Variants in ZMAT4 observed in about 807,000 individuals in gnomAD.
ZMAT4 encodes zinc finger matrin-type 4.
ZMAT4 carries 17 observed loss-of-function variants against 28.7 expected under a neutral mutation model. That is an observed-to-expected ratio of 0.59 (90% CI 0.41 to 0.89). The LOEUF is 0.89. Among genes scored for constraint, ZMAT4 ranks in the 40% least tolerant of loss-of-function variants. The pLI is 0.00. For synonymous variants in ZMAT4, 117 were observed against 109.2 expected, an observed-to-expected ratio of 1.07 and a Z score of -0.44; for missense variants, 240 against 283.8, an observed-to-expected ratio of 0.85 and a Z score of 1.11.
chr8:40,849,745 T>A (rs904796131), intron 1 of ZMAT4, among the ~76,000 whole-genome samples: 1 of 152,178 alleles, frequency 6.6e-6, no homozygotes, highest in African/African-American at 2.4e-5. Context: ...TTCATGAGGA[T>A]CTCCTTCCGT....
intron 5 of ZMAT4, among the ~76,000 whole-genome samples, chr8:40,652,514 A>G (rs1322394092): frequency 2.3e-5 from 1 of 42,758 alleles, no homozygotes; most frequent in African/African-American, 6.0e-5. Context: ...CCACTGTGGA[A>G]GTCAGTGTGG....
intron 2 of ZMAT4, among the ~76,000 whole-genome samples, chr8:40,790,184 G>C (rs1814264389): frequency 6.6e-6 from 1 of 152,102 alleles, no homozygotes; most frequent in Non-Finnish European, 1.5e-5. Context: ...CATTTGGATG[G>C]TCTTCATTTA....
intron 3 of ZMAT4, among the ~76,000 whole-genome samples, chr8:40,739,313 G>A (rs1452289323): frequency 1.3e-5 from 2 of 152,166 alleles, no homozygotes; most frequent in Non-Finnish European, 2.9e-5. Context: ...CTTTAACGCT[G>A]TTTCCAGCTC....
chr8:40,599,336 C>T (rs950403290), intron 5 of ZMAT4, among the ~76,000 whole-genome samples: 5 of 152,150 alleles, frequency 3.3e-5, no homozygotes, highest in Admixed American at 6.5e-5. Flanking sequence ...TTGTCAAATA[C>T]ATCACACATA....
intron 4 of ZMAT4, among the ~76,000 whole-genome samples, chr8:40,681,489 A>C (rs1167204057): frequency 4.6e-5 from 7 of 152,192 alleles, no homozygotes; most frequent in Admixed American, 3.3e-4. Flanking sequence ...TCATTCAGTG[A>C]GTGGCTTAAG....
intron 2 of ZMAT4, among the ~76,000 whole-genome samples, chr8:40,820,269 T>C (rs527522187): frequency 6.6e-6 from 1 of 151,624 alleles, no homozygotes; most frequent in Admixed American, 6.6e-5. Context: ...TTGGTGTGTG[T>C]CTGTAGATGT....
At chr8:40,880,656 A>C (rs1818189503) in intron 1 of ZMAT4, among the ~76,000 whole-genome samples, 1 of 152,158 alleles carries the variant, frequency 6.6e-6, no homozygotes, top group African/African-American at 2.4e-5. Flanking sequence ...GGAAGAAACG[A>C]GGTACAACCA....
chr8:40,548,064 T>C (rs956819464), intron 6 of ZMAT4, among the ~76,000 whole-genome samples: 3 of 151,746 alleles, frequency 2.0e-5, no homozygotes, highest in African/African-American at 4.8e-5. Context: ...TCCACGGAGG[T>C]CTTCAAGGGG....
intron 3 of ZMAT4, among the ~76,000 whole-genome samples, chr8:40,764,165 G>A (rs947414115): frequency 7.2e-5 from 11 of 152,120 alleles, no homozygotes; most frequent in African/African-American, 2.4e-4. Flanking sequence ...TCTAACGCTG[G>A]AGGGATTACT....
At chr8:40,877,685 C>CGT (rs137928950) in intron 1 of ZMAT4, among the ~76,000 whole-genome samples, 1 of 151,414 alleles carries the variant, frequency 6.6e-6, no homozygotes, top group Non-Finnish European at 1.5e-5. Context: ...TAAACATATG[C>CGT]GTGTGTGTGT....
At chr8:40,809,261 A>G (rs1815220273) in intron 2 of ZMAT4, among the ~76,000 whole-genome samples, 2 of 151,532 alleles carry the variant, frequency 1.3e-5, no homozygotes, top group Admixed American at 6.6e-5. Flanking sequence ...CTGAGTACAC[A>G]TGGACATAAA....
chr8:40,654,417 A>T (rs4737162), intron 5 of ZMAT4, among the ~76,000 whole-genome samples: 9,220 of 152,202 alleles, frequency 0.061, 703 homozygotes, highest in East Asian at 0.44. Context: ...GCTGCTGGTC[A>T]TATCTTTTTC....
intron 1 of ZMAT4, among the ~76,000 whole-genome samples, chr8:40,830,978 G>T (rs1404003576): frequency 6.6e-6 from 1 of 151,820 alleles, no homozygotes; most frequent in Non-Finnish European, 1.5e-5. Flanking sequence ...GCAGAGACAC[G>T]CAAAAAGGGG....
At chr8:40,678,421 T>C (rs544349242) in intron 4 of ZMAT4, among the ~76,000 whole-genome samples, 3 of 152,334 alleles carry the variant, frequency 2.0e-5, no homozygotes, top group African/African-American at 7.2e-5. Context: ...TAAGCTATTA[T>C]CCCACCAGCC....
intron 2 of ZMAT4, among the ~76,000 whole-genome samples, chr8:40,775,571 G>A (rs966240995): frequency 6.6e-4 from 101 of 152,218 alleles, no homozygotes; most frequent in African/African-American, 2.4e-3. Context: ...GAGGCAGTGT[G>A]TTGAGGAAGA....
intron 2 of ZMAT4, among the ~76,000 whole-genome samples, chr8:40,790,986 T>C (rs1389081924): frequency 6.6e-6 from 1 of 152,246 alleles, no homozygotes; most frequent in Non-Finnish European, 1.5e-5. Context: ...TTCACATTTA[T>C]ATGGTCAATT....
chr8:40,681,580 C>T (rs1451004574), intron 4 of ZMAT4, among the ~76,000 whole-genome samples: 1 of 152,130 alleles, frequency 6.6e-6, no homozygotes, highest in African/African-American at 2.4e-5. Flanking sequence ...ACCTCCGTGC[C>T]CACCACAAAG....
At chr8:40,601,464 GAAA>G (rs1805314517) in intron 5 of ZMAT4, among the ~76,000 whole-genome samples, 35 of 15,600 alleles carry the variant, frequency 2.2e-3, no homozygotes, top group East Asian at 0.019. Flanking sequence ...AAGGGAGGAA[GAAA>G]GGAAAGAAAG....
intron 2 of ZMAT4, among the ~76,000 whole-genome samples, chr8:40,793,387 GA>G (rs1215643067): frequency 6.6e-6 from 1 of 152,212 alleles, no homozygotes; most frequent in Non-Finnish European, 1.5e-5. Context: ...CCTGGAGGGG[GA>G]ATGCCATCTT....
Sources: gnomAD v4.1 joint callset for allele counts (sites outside exome capture counted in the v4.1 genomes callset) on GRCh38, gnomAD v4.1.1 for gene constraint, MANE v1.5 for transcripts, NCBI Gene and HGNC (gene_info 2026-07-23, HGNC 2026-07-21) for gene names.